Variants in DLGAP1 observed in about 807,000 individuals in gnomAD.
DLGAP1 encodes DLG associated protein 1.
A neutral mutation model predicts 90.8 loss-of-function variants in DLGAP1; 11 were observed. That is an observed-to-expected ratio of 0.12 (90% confidence interval 0.08 to 0.20). The LOEUF (loss-of-function observed/expected upper bound fraction) is 0.20. Among genes scored for constraint, DLGAP1 ranks in the 10% least tolerant of loss-of-function variants. DLGAP1 has a pLI of 1.00. For missense variants in DLGAP1, 1,050 were observed against 1,333.8 expected (o/e 0.79, Z 3.31); for synonymous variants, 558 against 540.7 (o/e 1.03, Z -0.44).
intron 2 of DLGAP1, among the ~76,000 whole-genome samples, chr18:4,012,451 C>A (rs183774238): frequency 4.6e-5 from 7 of 152,260 alleles, no homozygotes; most frequent in Admixed American, 4.6e-4. Flanking sequence ...AGCCTCACAA[C>A]ACGGAATGGC....
chr18:4,072,531 G>A (rs2075464977), intron 2 of DLGAP1, among the ~76,000 whole-genome samples: 1 of 150,818 alleles, frequency 6.6e-6, no homozygotes, highest in Non-Finnish European at 1.5e-5. Flanking sequence ...GTGCAGTGGT[G>A]CAATCTTGGC....
At chr18:4,288,254 C>G (rs2079754168) in intron 1 of DLGAP1, among the ~76,000 whole-genome samples, 1 of 152,074 alleles carries the variant, frequency 6.6e-6, no homozygotes, top group African/African-American at 2.4e-5. Context: ...AAGAAAGTAG[C>G]ACTAGGCATT....
At chr18:3,713,333 G>A (rs751805935) in intron 7 of DLGAP1, among the ~76,000 whole-genome samples, 5 of 152,238 alleles carry the variant, frequency 3.3e-5, no homozygotes, top group Non-Finnish European at 7.3e-5. Context: ...GAGATTAGGA[G>A]CAAAGAATGA....
chr18:3,573,979 A>C (rs942001879), intron 8 of DLGAP1, among the ~76,000 whole-genome samples: 1 of 152,136 alleles, frequency 6.6e-6, no homozygotes, highest in African/African-American at 2.4e-5. Flanking sequence ...TGGGATTACA[A>C]GTGTGAGCCA....
At chr18:3,662,763 CT>C (rs1332130811) in intron 7 of DLGAP1, among the ~76,000 whole-genome samples, 1 of 152,230 alleles carries the variant, frequency 6.6e-6, no homozygotes, top group Non-Finnish European at 1.5e-5. Flanking sequence ...GGATTTCAGA[CT>C]TGCTATGGTA....
chr18:4,357,175 T>TTG (rs2081538890), intron 1 of DLGAP1, among the ~76,000 whole-genome samples: 2 of 135,666 alleles, frequency 1.5e-5, no homozygotes, highest in East Asian at 4.0e-4. Context: ...TTTTTTTTTT[T>TTG]GACAGGCTCA....
intron 3 of DLGAP1, among the ~76,000 whole-genome samples, chr18:4,001,190 C>T (rs182177043): frequency 8.6e-5 from 13 of 152,020 alleles, no homozygotes; most frequent in Non-Finnish European, 1.9e-4. Context: ...CTAGTGTAGT[C>T]TAAAATTTTG....
chr18:4,258,438 G>A (rs542229723), intron 1 of DLGAP1, among the ~76,000 whole-genome samples: 4 of 152,042 alleles, frequency 2.6e-5, no homozygotes, highest in East Asian at 1.9e-4. Context: ...TGTTTTGATC[G>A]GGAGTCACGT....
chr18:4,090,777 A>G (rs1420971723), intron 2 of DLGAP1, among the ~76,000 whole-genome samples: 1 of 152,238 alleles, frequency 6.6e-6, no homozygotes, highest in Non-Finnish European at 1.5e-5. Context: ...ATTCTATCAT[A>G]AAGACACATG....
intron 1 of DLGAP1, among the ~76,000 whole-genome samples, chr18:4,430,005 C>G (rs169456): frequency 3.3e-5 from 5 of 152,076 alleles, no homozygotes; most frequent in Non-Finnish European, 7.4e-5. Flanking sequence ...CAAAATCCAA[C>G]AAAAAGAACG....
intron 1 of DLGAP1, among the ~76,000 whole-genome samples, chr18:4,198,284 T>C (rs1451231297): frequency 2.0e-5 from 3 of 152,122 alleles, no homozygotes; most frequent in African/African-American, 7.2e-5. Context: ...TATCATTGGA[T>C]TTCTAAGAGA....
At chr18:4,371,785 C>G (rs1358128374) in intron 1 of DLGAP1, among the ~76,000 whole-genome samples, 1 of 152,204 alleles carries the variant, frequency 6.6e-6, no homozygotes, top group South Asian at 2.1e-4. Flanking sequence ...ATCATCCTCC[C>G]TTTTGGCCCT....
At chr18:4,097,221 C>T (rs775149318) in intron 2 of DLGAP1, among the ~76,000 whole-genome samples, 19 of 152,240 alleles carry the variant, frequency 1.2e-4, no homozygotes, top group Non-Finnish European at 2.5e-4. Flanking sequence ...CACTAGTCTA[C>T]TGCATTATGC....
At chr18:3,955,885 C>G (rs2073075266) in intron 3 of DLGAP1, among the ~76,000 whole-genome samples, 1 of 152,136 alleles carries the variant, frequency 6.6e-6, no homozygotes, top group Non-Finnish European at 1.5e-5. Flanking sequence ...GAAACAGAAA[C>G]TTTCCAAAAT....
chr18:4,253,842 C>G (rs1435361699), intron 1 of DLGAP1, among the ~76,000 whole-genome samples: 1 of 152,182 alleles, frequency 6.6e-6, no homozygotes, highest in Non-Finnish European at 1.5e-5. Flanking sequence ...AGACGAGACT[C>G]AATTCCACTG....
chr18:3,696,545 G>A (rs1374213099), intron 7 of DLGAP1, among the ~76,000 whole-genome samples: 1 of 152,208 alleles, frequency 6.6e-6, no homozygotes, highest in Non-Finnish European at 1.5e-5. Context: ...CAGGGATGAA[G>A]CCTACTTGAT....
intron 1 of DLGAP1, among the ~76,000 whole-genome samples, chr18:4,436,165 T>C (rs1204156746): frequency 1.3e-5 from 2 of 152,192 alleles, no homozygotes; most frequent in African/African-American, 4.8e-5. Flanking sequence ...GAGATACTGG[T>C]AATGATTTCT....
intron 7 of DLGAP1, among the ~76,000 whole-genome samples, chr18:3,702,531 G>A (rs1244673530): frequency 3.3e-5 from 5 of 152,186 alleles, no homozygotes; most frequent in Non-Finnish European, 1.5e-5. Flanking sequence ...CTTCCTGCAT[G>A]CAGGCGCCCT....
At chr18:4,370,670 A>T (rs1329220793) in intron 1 of DLGAP1, among the ~76,000 whole-genome samples, 1 of 152,136 alleles carries the variant, frequency 6.6e-6, no homozygotes, top group Non-Finnish European at 1.5e-5. Flanking sequence ...TGAGGAAGAG[A>T]GAGGAAGAAG....
Sources: allele counts gnomAD v4.1 joint callset (sites outside exome capture counted in the v4.1 genomes callset), GRCh38; gene constraint gnomAD v4.1.1; transcripts MANE v1.5; gene names NCBI Gene and HGNC (gene_info 2026-07-23, HGNC 2026-07-21).